MRPL48: variants seen among roughly 807,000 people sequenced by gnomAD.
MRPL48 encodes mitochondrial ribosomal protein L48.
MRPL48 carries 16 observed loss-of-function variants against 32.9 expected under a neutral mutation model. That is an observed-to-expected ratio of 0.49 (90% CI 0.33 to 0.74). The LOEUF (loss-of-function observed/expected upper bound fraction) is 0.74, where lower values mean the gene tolerates loss of function less well. Ranked by LOEUF, MRPL48 falls within the 30% of genes least tolerant of loss-of-function variation. The probability of loss-of-function intolerance (pLI) is 0.02; values close to 1 mark genes in which losing one functional copy is unlikely to be tolerated. For synonymous variants in MRPL48, 94 were observed against 89.2 expected (o/e 1.05, Z -0.31); for missense variants, 206 against 245.3 (o/e 0.84, Z 1.07).
chr11:73,796,985 T>A (rs1947265755), intron 1 of MRPL48, among the ~76,000 whole-genome samples: 1 of 152,114 alleles, frequency 6.6e-6, no homozygotes, highest in Non-Finnish European at 1.5e-5. Context: ...GAGAATCCCT[T>A]GAACCCAGGA....
intron 4 of MRPL48, among the ~76,000 whole-genome samples, chr11:73,838,916 G>A (rs1312697571): frequency 6.6e-6 from 1 of 152,178 alleles, no homozygotes; most frequent in Non-Finnish European, 1.5e-5. Context: ...CCCTTGCAAA[G>A]ATGAAGAACC....
intron 3 of MRPL48, 138 bp downstream of exon 3, chr11:73,808,488 T>C (rs1947500374): frequency 2.5e-6 from 2 of 815,548 alleles, no homozygotes; most frequent in Non-Finnish European, 3.9e-6. Context: ...CATGTGAGCA[T>C]GGAATAGAAC....
intron 4 of MRPL48, among the ~76,000 whole-genome samples, chr11:73,837,570 G>A (rs1948126076): frequency 6.6e-6 from 1 of 152,162 alleles, no homozygotes; most frequent in East Asian, 1.9e-4. Flanking sequence ...GGGTAATAAT[G>A]TGAACATTTG....
intron 5 of MRPL48, among the ~76,000 whole-genome samples, chr11:73,848,878 G>A (rs1003706744): frequency 2.0e-5 from 3 of 151,790 alleles, no homozygotes; most frequent in African/African-American, 7.3e-5. Context: ...GGAGTGAAGT[G>A]GCGTGATCTC....
chr11:73,808,481 G>GC, intron 3 of MRPL48, 131 bp downstream of exon 3: 5 of 855,092 alleles, frequency 5.8e-6, no homozygotes, highest in Non-Finnish European at 9.3e-6. Context: ...ACCCCTCCAT[G>GC]TGAGCATGGA....
intron 3 of MRPL48, among the ~76,000 whole-genome samples, chr11:73,812,738 A>T (rs180731783): frequency 0.11 from 14,984 of 141,926 alleles, 886 homozygotes; most frequent in South Asian, 0.26. Flanking sequence ...ATATATATAT[A>T]TATTTATTTA....
chr11:73,821,638 G>A (rs1212958800), intron 3 of MRPL48, among the ~76,000 whole-genome samples: 3 of 152,142 alleles, frequency 2.0e-5, no homozygotes, highest in African/African-American at 7.2e-5. Context: ...CATCTTAAGT[G>A]CCCCTCCCGT....
chr11:73,851,634 C>G (rs1948392066), intron 5 of MRPL48, among the ~76,000 whole-genome samples: 1 of 152,118 alleles, frequency 6.6e-6, no homozygotes, highest in South Asian at 2.1e-4. Context: ...TTCCTTTTCC[C>G]TCTGACAGTG....
At chr11:73,831,940 C>CAA (rs4019304) in intron 4 of MRPL48, among the ~76,000 whole-genome samples, 20,099 of 65,794 alleles carry the variant, frequency 0.31, 3,548 homozygotes, top group African/African-American at 0.38. Context: ...AACTCTGTCT[C>CAA]AAAAAAAAAA....
intron 4 of MRPL48, among the ~76,000 whole-genome samples, chr11:73,827,393 T>C (rs577322887): frequency 3.9e-5 from 6 of 152,202 alleles, no homozygotes; most frequent in Non-Finnish European, 8.8e-5. Flanking sequence ...CAAAAATAAA[T>C]AGATAAATAA....
chr11:73,799,188 T>A (rs1200713587), intron 1 of MRPL48, among the ~76,000 whole-genome samples: 1 of 151,898 alleles, frequency 6.6e-6, no homozygotes, highest in Non-Finnish European at 1.5e-5. Flanking sequence ...AAACCCCATC[T>A]CTACAAAGAA....
chr11:73,788,019 C>G (rs746969975), intron 1 of MRPL48, 27 bp downstream of exon 1: 2 of 1,476,458 alleles, frequency 1.4e-6, no homozygotes, highest in South Asian at 1.1e-5. Context: ...GCACGCGGGG[C>G]GCGGGGAGAT....
At chr11:73,813,635 T>C (rs1466812355) in intron 3 of MRPL48, among the ~76,000 whole-genome samples, 1 of 152,232 alleles carries the variant, frequency 6.6e-6, no homozygotes, top group African/African-American at 2.4e-5. Flanking sequence ...TTTATGTTTG[T>C]GTTTTCTCCA....
Position 73,787,910 on chromosome 11 carries a change from G to A in MRPL48, c.-62G>A. The A allele has an allele frequency of 6.3e-7, 1 of 1,594,010 alleles. No individual in the cohort carries two copies. The highest frequency in any genetic ancestry group is 8.6e-7 in the Non-Finnish European group (1 of 1,168,156). Reference sequence around the variant, plus strand: ...TCCTTCAGTGTTTTCAGACGCCCTGGGAACGCGGCTGCAGGGTCCGGTCTT... The same window carrying A: ...TCCTTCAGTGTTTTCAGACGCCCTGAGAACGCGGCTGCAGGGTCCGGTCTT... On this transcript the variant is annotated 5_prime_UTR_variant, in exon 1 of 8. Transcript: ENST00000310614.
chr11:73,804,871 A>G (rs1269280984), intron 1 of MRPL48, among the ~76,000 whole-genome samples, 156 bp from the exon 2 acceptor site: 1 of 152,176 alleles, frequency 6.6e-6, no homozygotes, highest in Non-Finnish European at 1.5e-5. Flanking sequence ...GTTTGTTTGC[A>G]TGCTTGGTGT....
intron 5 of MRPL48, among the ~76,000 whole-genome samples, chr11:73,858,706 A>G (rs1490571015): frequency 6.6e-6 from 1 of 152,214 alleles, no homozygotes. Context: ...GAACTTTTTG[A>G]TAAGATGAAC....
intron 5 of MRPL48, among the ~76,000 whole-genome samples, chr11:73,859,004 G>A (rs80322510): frequency 0.056 from 8,565 of 152,236 alleles, 255 homozygotes; most frequent in Middle Eastern, 0.11. Flanking sequence ...TGCCCCTCAG[G>A]GGGAAATTAA....
intron 4 of MRPL48, chr11:73,832,717 A>G (rs1948018483): frequency 6.6e-6 from 1 of 152,374 alleles, no homozygotes; most frequent in Admixed American, 6.5e-5. Flanking sequence ...TAACAAAACA[A>G]TTGGTTTTGC....
chr11:73,797,678 C>A (rs1947282814), intron 1 of MRPL48, among the ~76,000 whole-genome samples: 1 of 152,250 alleles, frequency 6.6e-6, no homozygotes, highest in African/African-American at 2.4e-5. Flanking sequence ...ACCCCATGCT[C>A]ACTCACATAC....
Sources: gnomAD v4.1 joint callset for allele counts (sites outside exome capture counted in the v4.1 genomes callset) on GRCh38, gnomAD v4.1.1 for gene constraint, MANE v1.5 for transcripts, NCBI Gene and HGNC (gene_info 2026-07-23, HGNC 2026-07-21) for gene names.